MAGI1: variants seen among roughly 807,000 people sequenced by gnomAD.
MAGI1 encodes the protein membrane-associated guanylate kinase, WW and PDZ domain-containing protein 1.
Under a neutral mutation model 139.9 loss-of-function variants are expected in MAGI1, and 58 were observed. The observed-to-expected ratio is 0.41, with a 90% CI of 0.34 to 0.52. The LOEUF (loss-of-function observed/expected upper bound fraction) is 0.52, where lower values mean the gene tolerates loss of function less well. Ranked by LOEUF, MAGI1 falls within the 20% of genes least tolerant of loss-of-function variation. The probability of loss-of-function intolerance (pLI) is 0.12; values close to 1 mark genes in which losing one functional copy is unlikely to be tolerated. For synonymous variants in MAGI1, 812 were observed against 737.9 expected, an observed-to-expected ratio of 1.10 and a Z score of -1.63; for missense variants, 1,874 against 1,901.6, an observed-to-expected ratio of 0.99 and a Z score of 0.27.
chr3:65,423,374 G>A lies in MAGI1; in HGVS notation c.2167+6146C>T, dbSNP rs537803591. 2.1e-5 allele frequency among the ~76,000 whole-genome samples: 3 copies of A among 144,724 alleles called. No individual in the cohort carries two copies. The South Asian group carries it at 7.3e-4, about 35-fold the overall frequency. 94.9% of individuals were successfully genotyped at this position (144,724 alleles called of 152,430 possible). ...TCATTTCAGAAAAACACACGTGCGT[G>A]CACACACGCGCACACACACACACAC... On this transcript the variant is annotated intron_variant, in intron 12 of 22. Coordinates refer to ENST00000402939, the MANE Select transcript of MAGI1 (RefSeq NM_001033057.2).
chr3:65,390,282 C>T (rs921061779), intron 14 of MAGI1, among the ~76,000 whole-genome samples: 1 of 152,168 alleles, frequency 6.6e-6, no homozygotes, highest in Non-Finnish European at 1.5e-5. Context: ...CAAACCGAAT[C>T]TCCACCATCA....
intron 2 of MAGI1, among the ~76,000 whole-genome samples, chr3:65,570,655 G>A (rs1429443968): frequency 1.3e-5 from 2 of 152,160 alleles, no homozygotes. Context: ...AAACCAGAAT[G>A]GTGATACAGA....
chr3:66,010,572 C>T (rs1017471950), intron 1 of MAGI1, among the ~76,000 whole-genome samples: 2 of 152,164 alleles, frequency 1.3e-5, no homozygotes, highest in African/African-American at 2.4e-5. Flanking sequence ...CACTTCTAGG[C>T]GTTCCTCACT....
chr3:65,546,879 C>T (rs1208832951), intron 2 of MAGI1, among the ~76,000 whole-genome samples: 1 of 152,158 alleles, frequency 6.6e-6, no homozygotes, highest in Non-Finnish European at 1.5e-5. Flanking sequence ...AGTCAGAATT[C>T]ACTAAGGTCT....
intron 2 of MAGI1, among the ~76,000 whole-genome samples, chr3:65,543,803 A>T (rs1387629912): frequency 6.6e-6 from 1 of 150,406 alleles, no homozygotes; most frequent in East Asian, 1.9e-4. Flanking sequence ...CCTAATGTAG[A>T]TGATGGGTTG....
intron 2 of MAGI1, among the ~76,000 whole-genome samples, chr3:65,548,957 C>G (rs1014181170): frequency 4.6e-5 from 7 of 152,188 alleles, no homozygotes; most frequent in African/African-American, 1.7e-4. Flanking sequence ...GAACCTGGCT[C>G]TCAACCCACT....
chr3:65,383,538 C>T lies in MAGI1; in HGVS notation c.2502G>A (p.Gly834=), dbSNP rs1381371527. The change falls in exon 15 of 23, where the codon GGG becomes GGA. Residue 834 remains glycine, a synonymous_variant. Transcript: ENST00000402939. The part of the protein sequence containing the change: ...GFRILGGNEP[G]EPIYIGHIVP... ...AGACAAGCAAAAGACTCACAGGTTC[C>T]CCTGGTTCATTTCCACCCAGAATCC... The T allele has an allele frequency of 1.2e-6, 2 of 1,611,536 alleles. No homozygotes were observed. The highest frequency in any genetic ancestry group is 2.7e-5 in the African/African-American group (2 of 74,838).
chr3:65,483,636 C>A lies in MAGI1; in HGVS notation c.551-4838G>T, dbSNP rs867353474. ...GAGGCTGATTATCCCACAGGCTCTG[C>A]GTTATCCAACACACGTTTCCTGCAG... On this transcript the variant is annotated intron_variant, in intron 3 of 22. Coordinates refer to ENST00000402939, the MANE Select transcript of MAGI1 (RefSeq NM_001033057.2). 3.9e-5 allele frequency among the ~76,000 whole-genome samples: 6 copies of A among 152,336 alleles called. No individual in the cohort carries two copies. In the South Asian group the frequency reaches 1.2e-3, roughly 32 times the overall value.
intron 4 of MAGI1, 39 bp from the exon 5 acceptor site, chr3:65,470,523 G>GAGAGA (rs540539624): frequency 4.3e-6 from 4 of 933,746 alleles, no homozygotes; most frequent in Non-Finnish European, 6.3e-6. Flanking sequence ...GAGAGAGAGA[G>GAGAGA]AAAAAAAAAA....
At chr3:66,011,083 A>G (rs767952989) in intron 1 of MAGI1, among the ~76,000 whole-genome samples, 10 of 152,252 alleles carry the variant, frequency 6.6e-5, no homozygotes, top group Non-Finnish European at 1.3e-4. Context: ...ATAGAGGGCT[A>G]GAGTTCAGAC....
chr3:65,875,521 A>G (rs928011551), intron 1 of MAGI1, among the ~76,000 whole-genome samples: 2 of 152,210 alleles, frequency 1.3e-5, no homozygotes, highest in Non-Finnish European at 2.9e-5. Context: ...GAGGAAATGG[A>G]AAAAACACAT....
chr3:65,688,910 T>C (rs1022402880), intron 1 of MAGI1, among the ~76,000 whole-genome samples: 6 of 152,188 alleles, frequency 3.9e-5, no homozygotes, highest in African/African-American at 7.2e-5. Context: ...TAAGAAACTA[T>C]TGACGCTGGC....
chr3:66,012,473 T>G (rs2372402), intron 1 of MAGI1, among the ~76,000 whole-genome samples: 5,104 of 152,154 alleles, frequency 0.034, 285 homozygotes, highest in African/African-American at 0.11. Context: ...CTAGCTAATT[T>G]CAGAAAAGCA....
intron 22 of MAGI1, chr3:65,360,942 C>T: frequency 1.4e-6 from 2 of 1,412,156 alleles, no homozygotes; most frequent in Non-Finnish European, 1.8e-6. Context: ...TCGGACTAGA[C>T]AAAACGTTCT....
At chr3:65,626,217 G>T (rs2083962555) in intron 1 of MAGI1, among the ~76,000 whole-genome samples, 1 of 152,154 alleles carries the variant, frequency 6.6e-6, no homozygotes, top group Admixed American at 6.5e-5. Flanking sequence ...GGAGTTTTCA[G>T]ATACAGTAAC....
Position 65,356,327 on chromosome 3 carries a change from T to C in MAGI1, c.*51A>G. 1 of 1,492,756 alleles carries C rather than the reference T, an allele frequency of 6.7e-7. No individual in the cohort carries two copies. The highest frequency in any genetic ancestry group is 8.9e-7 in the Non-Finnish European group (1 of 1,127,444). The allele number at this position is 1,492,756 out of a possible 1,614,324, so 92.5% of individuals were successfully genotyped here. A position where few individuals can be genotyped will look rare whatever the true frequency, so the allele number is the denominator to read the frequency against. On this transcript the variant is annotated 3_prime_UTR_variant, in exon 23 of 23. Coordinates refer to ENST00000402939, the MANE Select transcript of MAGI1 (RefSeq NM_001033057.2). ...AACTAAATAATTTCAGGTTTGTGACTTTCCTCTTAGAACCTTTGACACGGT... is the reference window on the plus strand; with the variant it reads ...AACTAAATAATTTCAGGTTTGTGACCTTCCTCTTAGAACCTTTGACACGGT...
intron 1 of MAGI1, among the ~76,000 whole-genome samples, chr3:65,667,087 G>A (rs884067): frequency 0.32 from 47,929 of 152,054 alleles, 7,737 homozygotes; most frequent in Non-Finnish European, 0.35. Context: ...CCTTCTGCCC[G>A]GAATGAGAAC....
intron 1 of MAGI1, among the ~76,000 whole-genome samples, chr3:65,752,957 G>A (rs545907668): frequency 2.6e-5 from 4 of 152,242 alleles, no homozygotes; most frequent in African/African-American, 7.2e-5. Context: ...TGTCCTGGCT[G>A]TATTCAAAGT....
chr3:65,978,060 A>G (rs555454363), intron 1 of MAGI1, among the ~76,000 whole-genome samples: 1 of 152,254 alleles, frequency 6.6e-6, no homozygotes, highest in East Asian at 1.9e-4. Context: ...ATTCACTCAC[A>G]TGCCTATTAC....
Sources: gnomAD v4.1 joint callset for allele counts (sites outside exome capture counted in the v4.1 genomes callset) on GRCh38, gnomAD v4.1.1 for gene constraint, MANE v1.5 for transcripts, NCBI Gene and HGNC (gene_info 2026-07-23, HGNC 2026-07-21) for gene names.